ZNF277: variants seen among roughly 807,000 people sequenced by gnomAD.
ZNF277 encodes nuclear receptor-interacting factor 4.
In ZNF277, 55 loss-of-function variants were observed where a neutral mutation model predicts 60.7. That is an observed-to-expected ratio of 0.91 (90% CI 0.73 to 1.13). ZNF277 has a LOEUF of 1.13. ZNF277 is among the 50% of genes most tolerant of loss of function. The pLI, the probability that ZNF277 is intolerant of heterozygous loss-of-function variation, is 0.00. For synonymous variants in ZNF277, 178 were observed against 179.3 expected (o/e 0.99, Z 0.06); for missense variants, 510 against 523.0 (o/e 0.98, Z 0.24).
intron 1 of ZNF277, among the ~76,000 whole-genome samples, chr7:112,285,333 T>G (rs1792040960): frequency 6.6e-6 from 1 of 151,512 alleles, no homozygotes; most frequent in South Asian, 2.1e-4. Flanking sequence ...CTTACATAAT[T>G]CTTAAGCCAT....
At chr7:112,282,400 C>T (rs968225869) in intron 1 of ZNF277, among the ~76,000 whole-genome samples, 1 of 152,186 alleles carries the variant, frequency 6.6e-6, no homozygotes, top group African/African-American at 2.4e-5. Context: ...CAAGTGAGTA[C>T]ATTTAAAATA....
intron 1 of ZNF277, among the ~76,000 whole-genome samples, chr7:112,247,179 A>G (rs943356580): frequency 5.3e-5 from 8 of 152,100 alleles, no homozygotes; most frequent in Admixed American, 1.3e-4. Flanking sequence ...TTAAAAATCC[A>G]CTTGTAATTG....
chr7:112,305,224 AAATAAT>A (rs777897596), intron 4 of ZNF277, among the ~76,000 whole-genome samples: 1 of 151,854 alleles, frequency 6.6e-6, no homozygotes, highest in Non-Finnish European at 1.5e-5. Context: ...CATTCCTTAA[AAATAAT>A]AATAATAATA....
rs182061103 is a variant in ZNF277, at chr7:112,244,320, A to G, written c.91+37513A>G. On this transcript the variant is annotated intron_variant, in intron 1 of 11. Coordinates refer to ENST00000361822, the MANE Select transcript of ZNF277 (RefSeq NM_021994.3). ...ATACTGTAATAGTCTTTCTGTGCAAATAAGATGTACTTCCTATGACAGTGA... is the reference window on the plus strand; with the variant it reads ...ATACTGTAATAGTCTTTCTGTGCAAGTAAGATGTACTTCCTATGACAGTGA... Among the ~76,000 whole-genome samples, 222 of 152,282 alleles carry G rather than the reference A, an allele frequency of 1.5e-3. 2 individuals carry two copies. The highest frequency in any genetic ancestry group is 3.0e-3 in the Non-Finnish European group (201 of 67,986).
At chr7:112,338,264 TAG>T (rs1483471182) in intron 9 of ZNF277, among the ~76,000 whole-genome samples, 4 of 152,146 alleles carry the variant, frequency 2.6e-5, no homozygotes, top group Non-Finnish European at 5.9e-5. Context: ...TGCCAGGATT[TAG>T]AGAGAAGAAA....
chr7:112,289,618 T>C (rs922461214), intron 2 of ZNF277, among the ~76,000 whole-genome samples: 1 of 152,246 alleles, frequency 6.6e-6, no homozygotes, highest in Non-Finnish European at 1.5e-5. Flanking sequence ...TGGTGAGATC[T>C]GTTGATTTTG....
chr7:112,208,738 T>C (rs2116940741), intron 1 of ZNF277, among the ~76,000 whole-genome samples: 2 of 133,198 alleles, frequency 1.5e-5, no homozygotes, highest in East Asian at 2.4e-4. Flanking sequence ...TGGAGTGCAG[T>C]GGCGCGATCT....
rs1471725517 is a variant in ZNF277, at chr7:112,330,101, G to A, written c.686G>A (p.Cys229Tyr). The A allele has an allele frequency of 4.3e-6, 7 of 1,613,228 alleles. No individual in the cohort carries two copies. Among genetic ancestry groups the A allele is most frequent in the Admixed American group, 1.7e-5 (1 of 59,970 alleles). ...KKLDNLQCLY[C>Y]EKTFRDKNTL... is the part of the protein sequence containing the mutation. Reference sequence around the variant, plus strand: ...TCTTGTAGTTTGCAGTGCTTGTACTGTGAGAAGACCTTCAGGGACAAAAAT... The same window carrying A: ...TCTTGTAGTTTGCAGTGCTTGTACTATGAGAAGACCTTCAGGGACAAAAAT... The change falls in exon 7 of 12, where the codon TGT (cysteine) becomes TAT (tyrosine). Residue 229 changes from cysteine (C) to tyrosine (Y), a missense_variant. Transcript: ENST00000361822.
intron 1 of ZNF277, among the ~76,000 whole-genome samples, chr7:112,270,716 A>G (rs1328223751): frequency 6.6e-6 from 1 of 152,058 alleles, no homozygotes; most frequent in African/African-American, 2.4e-5. Flanking sequence ...CAAAACCTAT[A>G]GAAAAGGTAA....
At chr7:112,333,085 G>C (rs952514476) in intron 7 of ZNF277, among the ~76,000 whole-genome samples, 6 of 151,514 alleles carry the variant, frequency 4.0e-5, no homozygotes, top group African/African-American at 1.5e-4. Flanking sequence ...TGAAGAACAT[G>C]AGTAATAAAT....
chr7:112,342,723 A>G lies in ZNF277; in HGVS notation c.1347A>G (p.Leu449=), dbSNP rs1164967962. The change falls in exon 12 of 12, where the codon CTA becomes CTG. Residue 449 remains leucine, a synonymous_variant. Transcript: ENST00000361822. ...LKQSSILNQL[L]L ...AAAGCAGTATTTTGAACCAGTTGCT[A>G]CTATAAGAGTACTTGAAAACCTAGA... The G allele has an allele frequency of 1.9e-6, 3 of 1,589,736 alleles. No individual in the cohort carries two copies. Among genetic ancestry groups the G allele is most frequent in the East Asian group, 4.5e-5 (2 of 44,228 alleles).
intron 4 of ZNF277, among the ~76,000 whole-genome samples, chr7:112,299,928 AAGCATATAGTTTAAG>A (rs1047251236): frequency 6.6e-6 from 1 of 152,162 alleles, no homozygotes; most frequent in Non-Finnish European, 1.5e-5. Context: ...ACTCTAGGTA[AAGCATATAGTTTAAG>A]TACCTTTGTA....
chr7:112,266,606 A>G (rs896965908), intron 1 of ZNF277, among the ~76,000 whole-genome samples: 3 of 152,134 alleles, frequency 2.0e-5, no homozygotes, highest in Non-Finnish European at 2.9e-5. Flanking sequence ...GAGATTTCAG[A>G]TAAGATACTG....
intron 7 of ZNF277, among the ~76,000 whole-genome samples, chr7:112,334,402 C>CTT (rs534868007): frequency 5.4e-4 from 66 of 121,156 alleles, no homozygotes; most frequent in South Asian, 2.9e-3. Context: ...GAGTTATGTG[C>CTT]TTTTTTTTTT....
At chr7:112,322,268 C>CTG (rs141501508) in intron 5 of ZNF277, among the ~76,000 whole-genome samples, 49,664 of 151,848 alleles carry the variant, frequency 0.33, 10,758 homozygotes, top group African/African-American at 0.61. Context: ...CTCTCTGTCT[C>CTG]TGTTTCTCTA....
intron 1 of ZNF277, among the ~76,000 whole-genome samples, chr7:112,281,782 C>T (rs939667575): frequency 6.6e-6 from 1 of 152,142 alleles, no homozygotes; most frequent in Non-Finnish European, 1.5e-5. Context: ...ACCAGCCATT[C>T]GATAGCTATT....
rs558815043 is a variant in ZNF277 at position 112,216,756 on chromosome 7, C to T, written c.91+9949C>T. ...GGTAGGTTTACAGCTTGGGAGCCGACATAATTCAGTCCTAGCATCTGTAAA... is the reference window on the plus strand; with the variant it reads ...GGTAGGTTTACAGCTTGGGAGCCGATATAATTCAGTCCTAGCATCTGTAAA... On this transcript the variant is annotated intron_variant, in intron 1 of 11. Coordinates refer to ENST00000361822, the MANE Select transcript of ZNF277 (RefSeq NM_021994.3). 2.4e-3 allele frequency among the ~76,000 whole-genome samples: 369 copies of T among 152,266 alleles called. 2 individuals are homozygous for T. The highest frequency in any genetic ancestry group is 3.6e-3 in the Non-Finnish European group (247 of 68,024).
intron 5 of ZNF277, among the ~76,000 whole-genome samples, chr7:112,319,208 C>T (rs1453802559): frequency 6.6e-6 from 1 of 151,990 alleles, no homozygotes; most frequent in Non-Finnish European, 1.5e-5. Context: ...CTCTGGAGGT[C>T]TGACTGGCTC....
At chr7:112,274,082 A>G (rs1791741061) in intron 1 of ZNF277, among the ~76,000 whole-genome samples, 1 of 151,712 alleles carries the variant, frequency 6.6e-6, no homozygotes, top group Non-Finnish European at 1.5e-5. Flanking sequence ...AGTTTGAGAA[A>G]TTCACATGTT....
Sources: allele counts gnomAD v4.1 joint callset (sites outside exome capture counted in the v4.1 genomes callset), GRCh38; gene constraint gnomAD v4.1.1; transcripts MANE v1.5; gene names NCBI Gene and HGNC (gene_info 2026-07-23, HGNC 2026-07-21).